The following PLEKHA2 variants were observed in gnomAD, a reference collection of about 807,000 sequenced individuals.
PLEKHA2 encodes the protein pleckstrin homology domain containing A2.
Under a neutral mutation model 53.2 loss-of-function variants are expected in PLEKHA2, and 28 were observed. That is an observed-to-expected ratio of 0.53 (90% CI 0.39 to 0.72). The LOEUF is 0.72. PLEKHA2 is among the 30% of genes least tolerant of loss of function. PLEKHA2 has a pLI of 0.00. For synonymous variants in PLEKHA2, 193 were observed against 196.4 expected, an observed-to-expected ratio of 0.98 and a Z score of 0.14; for missense variants, 426 against 537.9, an observed-to-expected ratio of 0.79 and a Z score of 2.06.
Position 38,973,052 on chromosome 8 carries a change from C to G in PLEKHA2, c.*3269C>G, listed in dbSNP as rs2129426343. ...TCCTGGGCTCAAGTGATCTTCCTGC[C>G]TCACAGCCTCCCAAAGTACTCAGAT... On this transcript the variant is annotated 3_prime_UTR_variant, in exon 12 of 12. Coordinates refer to ENST00000617275, the MANE Select transcript of PLEKHA2 (RefSeq NM_021623.2). The G allele has an allele frequency of 6.6e-6, 1 of 152,342 alleles. No homozygotes were observed. The highest frequency in any genetic ancestry group is 3.4e-3 in the Middle Eastern group (1 of 294). 9.4% of individuals were successfully genotyped at this position (152,342 alleles called of 1,614,324 possible). A position where few individuals can be genotyped will look rare whatever the true frequency, so the allele number is the denominator to read the frequency against.
intron 3 of PLEKHA2, among the ~76,000 whole-genome samples, chr8:38,938,900 CTT>C (rs373598976): frequency 2.8e-5 from 4 of 142,790 alleles, no homozygotes; most frequent in Admixed American, 7.0e-5. Flanking sequence ...CTTTCTTTTT[CTT>C]TTTTTTTTTT....
rs1052218082 is a variant in PLEKHA2 at position 38,909,075 on chromosome 8, G to A, written c.-24+7630G>A. Among the ~76,000 whole-genome samples the A allele has an allele frequency of 3.3e-5, 5 of 152,098 alleles. No homozygotes were observed. The East Asian group carries it at 5.8e-4, about 18-fold the overall frequency. On this transcript the variant is annotated intron_variant, in intron 1 of 11. Transcript: ENST00000617275. Reference sequence around the variant, plus strand: ...GGAGAATAGCTTGAACCTGGGAGGCGGAGGTTGCAGTGAGCCGAGATGGCG... The same window carrying A: ...GGAGAATAGCTTGAACCTGGGAGGCAGAGGTTGCAGTGAGCCGAGATGGCG...
At chr8:38,952,513 C>T (rs1346470005) in intron 7 of PLEKHA2, 123 bp from the exon 8 acceptor site, 3 of 1,320,422 alleles carry the variant, frequency 2.3e-6, no homozygotes, top group Non-Finnish European at 3.1e-6. Context: ...GAAGCCCTTG[C>T]CCCTGCTGAA....
chr8:38,953,374 G>T lies in PLEKHA2; in HGVS notation c.773+7G>T, dbSNP rs1290969512. The T allele has an allele frequency of 6.2e-7, 1 of 1,602,918 alleles. No individual in the cohort carries two copies. Among genetic ancestry groups the T allele is most frequent in the African/African-American group, 1.3e-5 (1 of 74,632 alleles). On this transcript the variant is annotated splice_region_variant and intron_variant, in intron 9 of 11. Coordinates refer to ENST00000617275, the MANE Select transcript of PLEKHA2 (RefSeq NM_021623.2). The stretch of plus-strand genomic sequence containing the variant: ...AATGTCTGGTCAAGTCTGGGTAATT[G>T]TGTCTGCTTTTTCTCTTCTAATCCA...
chr8:38,946,654 G>A (rs1834720749), intron 5 of PLEKHA2, among the ~76,000 whole-genome samples: 1 of 152,200 alleles, frequency 6.6e-6, no homozygotes, highest in Non-Finnish European at 1.5e-5. Context: ...GTCAGTCCAA[G>A]CCATCCGCCT....
At chr8:38,933,790 A>AAAAAAAAAAAAAAAAAAAAAGAAAG (rs71216697) in intron 2 of PLEKHA2, among the ~76,000 whole-genome samples, 24 of 90,658 alleles carry the variant, frequency 2.6e-4, no homozygotes, top group African/African-American at 9.2e-4. Context: ...AAAAAAAAAA[A>AAAAAAAAAAAAAAAAAAAAAGAAAG]AAAAGAAAAG....
intron 5 of PLEKHA2, among the ~76,000 whole-genome samples, chr8:38,947,713 A>G (rs1490735960): frequency 6.6e-6 from 1 of 152,170 alleles, no homozygotes; most frequent in Non-Finnish European, 1.5e-5. Flanking sequence ...AAGCACTGAC[A>G]AACAGTGTTC....
At chr8:38,911,448 G>T (rs1050463983) in intron 1 of PLEKHA2, among the ~76,000 whole-genome samples, 1 of 152,100 alleles carries the variant, frequency 6.6e-6, no homozygotes, top group Admixed American at 6.5e-5. Context: ...TGTTGGCCAT[G>T]CTGGTTTTGA....
chr8:38,966,862 T>A (rs995095860), intron 10 of PLEKHA2, among the ~76,000 whole-genome samples: 17 of 152,132 alleles, frequency 1.1e-4, no homozygotes, highest in African/African-American at 3.9e-4. Flanking sequence ...TGCCTTTTGG[T>A]GAAGTCTGGG....
intron 9 of PLEKHA2, among the ~76,000 whole-genome samples, chr8:38,954,132 G>C (rs1199371401): frequency 6.6e-6 from 1 of 152,188 alleles, no homozygotes; most frequent in African/African-American, 2.4e-5. Flanking sequence ...TGTACAAGCA[G>C]AACCCTCAGA....
chr8:38,927,957 C>T (rs1014613291), intron 2 of PLEKHA2, among the ~76,000 whole-genome samples: 3 of 150,526 alleles, frequency 2.0e-5, no homozygotes, highest in African/African-American at 7.4e-5. Context: ...AGTGGGGGGG[C>T]AGGTTTAGAG....
At chr8:38,925,854 T>C (rs563504850) in intron 2 of PLEKHA2, among the ~76,000 whole-genome samples, 1 of 152,394 alleles carries the variant, frequency 6.6e-6, no homozygotes, top group South Asian at 2.1e-4. Flanking sequence ...GAAATTTTCC[T>C]AAGCAAATTT....
At chr8:38,947,702 TA>T (rs1315591698) in intron 5 of PLEKHA2, among the ~76,000 whole-genome samples, 1 of 152,134 alleles carries the variant, frequency 6.6e-6, no homozygotes, top group Non-Finnish European at 1.5e-5. Context: ...CACCGGAGCA[TA>T]AGCACTGACA....
intron 10 of PLEKHA2, among the ~76,000 whole-genome samples, chr8:38,958,411 C>T (rs1834980588): frequency 6.6e-6 from 1 of 152,104 alleles, no homozygotes; most frequent in African/African-American, 2.4e-5. Context: ...TAAAGCTTTT[C>T]AAGCTCCCGC....
intron 6 of PLEKHA2, among the ~76,000 whole-genome samples, chr8:38,951,469 G>GTTTTTT (rs144541661): frequency 1.2e-3 from 113 of 91,780 alleles, no homozygotes; most frequent in Middle Eastern, 7.9e-3. Context: ...ATTTATTTAA[G>GTTTTTT]TTTTTTTTTT....
intron 1 of PLEKHA2, among the ~76,000 whole-genome samples, chr8:38,903,869 G>A (rs1044350188): frequency 3.9e-5 from 6 of 152,206 alleles, no homozygotes; most frequent in East Asian, 1.9e-4. Flanking sequence ...GTGCTGGGAC[G>A]TTGGGTTGCT....
At chr8:38,915,396 A>C (rs1322392741) in intron 1 of PLEKHA2, among the ~76,000 whole-genome samples, 2 of 152,252 alleles carry the variant, frequency 1.3e-5, no homozygotes, top group East Asian at 3.8e-4. Flanking sequence ...GTCCAAGGGC[A>C]GGGTGTTAAC....
At chr8:38,908,943 G>A (rs1833917344) in intron 1 of PLEKHA2, among the ~76,000 whole-genome samples, 1 of 152,120 alleles carries the variant, frequency 6.6e-6, no homozygotes, top group African/African-American at 2.4e-5. Flanking sequence ...AGGAGATCGA[G>A]ACCATCCTGG....
At position 38,931,102 on chromosome 8, in the gene PLEKHA2, A is replaced by G. The variant is rs552043349; in HGVS notation, c.142-4892A>G. 6.6e-5 allele frequency among the ~76,000 whole-genome samples: 10 copies of G among 152,004 alleles called. No homozygotes were observed. The East Asian group carries it at 1.7e-3, about 27-fold the overall frequency. On this transcript the variant is annotated intron_variant, in intron 2 of 11. Coordinates refer to ENST00000617275, the MANE Select transcript of PLEKHA2 (RefSeq NM_021623.2). ...AGATCAGCCTGGCCAATATGGTGAA[A>G]CCCCATCTCTACTAAAAATACAGAA...
Sources: allele counts gnomAD v4.1 joint callset (sites outside exome capture counted in the v4.1 genomes callset), GRCh38; gene constraint gnomAD v4.1.1; transcripts MANE v1.5; gene names NCBI Gene and HGNC (gene_info 2026-07-23, HGNC 2026-07-21).